Variants in CTIF observed in about 807,000 individuals in gnomAD.
CTIF encodes CBP80/20-dependent translation initiation factor.
CTIF carries 21 observed loss-of-function variants against 66.0 expected under a neutral mutation model. That is an observed-to-expected ratio of 0.32 (90% confidence interval 0.23 to 0.46). The LOEUF (loss-of-function observed/expected upper bound fraction) is 0.46, where lower values mean the gene tolerates loss of function less well. Ranked by LOEUF, CTIF falls within the 20% of genes least tolerant of loss-of-function variation. The probability of loss-of-function intolerance (pLI) is 1.00; values close to 1 mark genes in which losing one functional copy is unlikely to be tolerated. For synonymous variants in CTIF, 345 were observed against 326.4 expected (o/e 1.06, Z -0.62); for missense variants, 739 against 812.7 (o/e 0.91, Z 1.10).
intron 1 of CTIF, among the ~76,000 whole-genome samples, chr18:48,593,759 T>TA (rs2089937988): frequency 6.6e-6 from 1 of 151,574 alleles, no homozygotes; most frequent in Non-Finnish European, 1.5e-5. Context: ...TTTTTTTTTT[T>TA]AAGATATTAT....
At chr18:48,676,272 C>G (rs1443710465) in intron 6 of CTIF, among the ~76,000 whole-genome samples, 2 of 152,156 alleles carry the variant, frequency 1.3e-5, no homozygotes, top group East Asian at 1.9e-4. Context: ...TATACAATAC[C>G]CCATTGAAAG....
chr18:48,577,594 A>AG (rs1208107914), intron 1 of CTIF, among the ~76,000 whole-genome samples: 3 of 143,448 alleles, frequency 2.1e-5, no homozygotes, highest in African/African-American at 8.4e-5. Context: ...TGTTTGTTTG[A>AG]GATAGTCTCG....
At chr18:48,645,262 T>C (rs2091005820) in intron 3 of CTIF, among the ~76,000 whole-genome samples, 1 of 52,200 alleles carries the variant, frequency 1.9e-5, no homozygotes. Context: ...CACTAGGAAA[T>C]GCTAATGGAC....
At chr18:48,705,380 G>A (rs1194528065) in intron 6 of CTIF, among the ~76,000 whole-genome samples, 3 of 152,170 alleles carry the variant, frequency 2.0e-5, no homozygotes, top group Non-Finnish European at 4.4e-5. Context: ...CCATCTTTCT[G>A]TGTTCAAGTT....
chr18:48,669,974 C>A (rs923936436), intron 5 of CTIF, among the ~76,000 whole-genome samples: 2 of 151,324 alleles, frequency 1.3e-5, no homozygotes, highest in Admixed American at 6.6e-5. Flanking sequence ...CTATTATCCT[C>A]ATTTAACAAA....
At chr18:48,663,379 C>T (rs2091379100) in intron 3 of CTIF, among the ~76,000 whole-genome samples, 1 of 152,060 alleles carries the variant, frequency 6.6e-6, no homozygotes, top group Non-Finnish European at 1.5e-5. Flanking sequence ...ATGGGCTCCC[C>T]AGTGGGCCTG....
At chr18:48,576,262 G>C (rs887489838) in intron 1 of CTIF, among the ~76,000 whole-genome samples, 7 of 152,270 alleles carry the variant, frequency 4.6e-5, no homozygotes, top group African/African-American at 1.7e-4. Flanking sequence ...GCCAGCTGCT[G>C]ACCCAAGGGA....
At chr18:48,571,120 C>T (rs1019031353) in intron 1 of CTIF, among the ~76,000 whole-genome samples, 2 of 152,164 alleles carry the variant, frequency 1.3e-5, no homozygotes, top group African/African-American at 4.8e-5. Flanking sequence ...CCACCTACCC[C>T]CTTCCGTCTT....
At chr18:48,717,477 C>G (rs1399220464) in intron 7 of CTIF, among the ~76,000 whole-genome samples, 1 of 151,922 alleles carries the variant, frequency 6.6e-6, no homozygotes, top group Non-Finnish European at 1.5e-5. Flanking sequence ...CTCTCTTCCT[C>G]TGCCAACGTG....
At chr18:48,627,771 G>T (rs369421835) in intron 2 of CTIF, among the ~76,000 whole-genome samples, 6 of 149,990 alleles carry the variant, frequency 4.0e-5, no homozygotes, top group East Asian at 2.0e-4. Flanking sequence ...GACAGGGTTG[G>T]GGGGGAGGGT....
intron 3 of CTIF, among the ~76,000 whole-genome samples, chr18:48,656,605 C>T (rs1000361445): frequency 2.0e-5 from 3 of 152,194 alleles, no homozygotes; most frequent in Admixed American, 6.5e-5. Flanking sequence ...ATTTGATTTT[C>T]CACATGGCTT....
chr18:48,663,804 C>T lies in CTIF; in HGVS notation c.305C>T (p.Ala102Val). 1 of 1,614,128 alleles carries T rather than the reference C, an allele frequency of 6.2e-7. No individual in the cohort carries two copies. The highest frequency in any genetic ancestry group is 8.5e-7 in the Non-Finnish European group (1 of 1,179,986). Residue 102 changes from alanine (A) to valine (V), a missense_variant, in exon 4 of 12, where the codon GCC (alanine) becomes GTC (valine). Around this residue, in one of 2 missense-constraint regions of CTIF, gnomAD observed 529 missense variants for 520.3 expected, o/e 1.02. Transcript: ENST00000256413. ...ATGCTGGGCACGGACATCTGGGCGGCCAACACCTTCGATTCCTTCAGGTAA... is the reference window on the plus strand; with the variant it reads ...ATGCTGGGCACGGACATCTGGGCGGTCAACACCTTCGATTCCTTCAGGTAA... ...LDMLGTDIWA[A>V]NTFDSFSGAT...
chr18:48,801,108 C>G (rs995352924), intron 9 of CTIF, among the ~76,000 whole-genome samples: 6 of 152,202 alleles, frequency 3.9e-5, no homozygotes, highest in Admixed American at 2.0e-4. Flanking sequence ...GGGCCACCCC[C>G]ACCCCCGGCA....
At chr18:48,703,159 A>T (rs949244689) in intron 6 of CTIF, among the ~76,000 whole-genome samples, 2 of 152,216 alleles carry the variant, frequency 1.3e-5, no homozygotes, top group Non-Finnish European at 2.9e-5. Flanking sequence ...CATGGGGCTC[A>T]TGCTCTCTGG....
intron 9 of CTIF, among the ~76,000 whole-genome samples, chr18:48,766,404 A>G (rs538428973): frequency 6.6e-6 from 1 of 152,238 alleles, no homozygotes; most frequent in Admixed American, 6.5e-5. Context: ...GTCTGTCATC[A>G]GTGTGATGGT....
intron 3 of CTIF, among the ~76,000 whole-genome samples, chr18:48,640,311 G>T (rs1474798990): frequency 6.6e-6 from 1 of 152,240 alleles, no homozygotes; most frequent in Non-Finnish European, 1.5e-5. Context: ...TCAGCCAGCT[G>T]GTCAACCCTA....
intron 7 of CTIF, among the ~76,000 whole-genome samples, chr18:48,755,032 C>G (rs1364546728): frequency 6.6e-6 from 1 of 152,138 alleles, no homozygotes; most frequent in Non-Finnish European, 1.5e-5. Context: ...CCCTGTATGG[C>G]AAGTGGGAAA....
At chr18:48,677,273 G>T (rs562887261) in intron 6 of CTIF, among the ~76,000 whole-genome samples, 3 of 152,136 alleles carry the variant, frequency 2.0e-5, no homozygotes, top group African/African-American at 7.2e-5. Flanking sequence ...CATGTCACCC[G>T]TGGTCCCACG....
At chr18:48,541,544 G>T (rs2088620826) in intron 1 of CTIF, among the ~76,000 whole-genome samples, 1 of 152,234 alleles carries the variant, frequency 6.6e-6, no homozygotes, top group Non-Finnish European at 1.5e-5. Flanking sequence ...CGAGGAGATG[G>T]CCTGGCTTTC....
Sources: gnomAD v4.1 joint callset for allele counts (sites outside exome capture counted in the v4.1 genomes callset) on GRCh38, gnomAD v4.1.1 for gene constraint, gnomAD v4.1.1 regional missense constraint, MANE v1.5 for transcripts, NCBI Gene and HGNC (gene_info 2026-07-23, HGNC 2026-07-21) for gene names.